Variants in NAA60 observed in about 807,000 individuals in gnomAD.
NAA60 encodes N-alpha-acetyltransferase 60, NatF catalytic subunit, also known as N-alpha-acetyltransferase 60.
A neutral mutation model predicts 26.1 loss-of-function variants in NAA60; 8 were observed. That is an observed-to-expected ratio of 0.31 (90% CI 0.18 to 0.55). The LOEUF is 0.55. NAA60 is among the 20% of genes least tolerant of loss of function. NAA60 has a pLI of 0.93. For missense variants in NAA60, 290 were observed against 311.3 expected (o/e 0.93, Z 0.51); for synonymous variants, 131 against 122.5 (o/e 1.07, Z -0.46).
rs373724700 is a variant in NAA60, at chr16:3,467,125, GT to G, written c.-6-9095del. On this transcript the variant is annotated intron_variant, in intron 2 of 7. Transcript: ENST00000407558. ...AAGAGCCTGAGGAGCTGGACCAGGG[GT>G]TGGGGGGCGGCCTTTAGAAGCAGCG... Among the ~76,000 whole-genome samples, 537 of 152,290 alleles carry G rather than the reference GT, an allele frequency of 3.5e-3. 4 individuals are homozygous for G. The highest frequency in any genetic ancestry group is 0.012 in the African/African-American group (486 of 41,542).
Position 3,443,704 on chromosome 16 carries a change from C to G in NAA60, c.-210C>G, listed in dbSNP as rs1319842324. ...TCCGCTTCCGCTGGCGGGGTCTCCT[C>G]CGTGAGCTCCGGGCCTGTTTGCCTG... On this transcript the variant is annotated 5_prime_UTR_variant, in exon 1 of 8. Transcript: ENST00000407558. 68 of 1,435,494 alleles carry G rather than the reference C, an allele frequency of 4.7e-5. No individual in the cohort carries two copies. Among genetic ancestry groups the G allele is most frequent in the Non-Finnish European group, 6.1e-5 (67 of 1,096,668 alleles). The allele number at this position is 1,435,494 out of a possible 1,614,324, so 88.9% of individuals were successfully genotyped here. A position where few individuals can be genotyped will look rare whatever the true frequency, so the allele number is the denominator to read the frequency against.
chr16:3,465,873 G>A (rs80246648), intron 2 of NAA60, among the ~76,000 whole-genome samples: 280 of 152,270 alleles, frequency 1.8e-3, no homozygotes, highest in African/African-American at 6.3e-3. Flanking sequence ...CCAGGGTAGG[G>A]CCTGAATTTT....
rs927703173 is a variant in NAA60 at position 3,485,883 on chromosome 16, C to G, written c.*623C>G. 20 of 354,936 alleles carry G rather than the reference C, an allele frequency of 5.6e-5. No homozygotes were observed. Among genetic ancestry groups the G allele is most frequent in the Non-Finnish European group, 2.8e-5 (5 of 179,190 alleles). 22.0% of individuals were successfully genotyped at this position (354,936 alleles called of 1,614,324 possible). A position where few individuals can be genotyped will look rare whatever the true frequency, so the allele number is the denominator to read the frequency against. The stretch of plus-strand genomic sequence containing the variant: ...AAGCACAGAGCTCTGAGGCTCAGCC[C>G]CCTGGCACAGGCGGTCACGCATCAG... On this transcript the variant is annotated 3_prime_UTR_variant, in exon 8 of 8. Coordinates refer to ENST00000407558, the MANE Select transcript of NAA60 (RefSeq NM_001083601.3).
chr16:3,460,939 G>GTATA (rs1381944428), intron 2 of NAA60, among the ~76,000 whole-genome samples: 1 of 152,150 alleles, frequency 6.6e-6, no homozygotes, highest in Non-Finnish European at 1.5e-5. Flanking sequence ...ATGTATGTAT[G>GTATA]TATATATGTT....
At chr16:3,469,672 C>T (rs900276226) in intron 2 of NAA60, among the ~76,000 whole-genome samples, 1 of 151,582 alleles carries the variant, frequency 6.6e-6, no homozygotes, top group East Asian at 1.9e-4. Flanking sequence ...ACCTGCCTGG[C>T]GGGGCCTGTC....
At chr16:3,476,461 G>C in intron 3 of NAA60, 124 bp downstream of exon 3, 1 of 731,592 alleles carries the variant, frequency 1.4e-6, no homozygotes, top group Non-Finnish European at 2.2e-6. Flanking sequence ...TGGCCTGGAG[G>C]GGCCACAGGG....
intron 4 of NAA60, among the ~76,000 whole-genome samples, chr16:3,480,289 GTTA>G (rs2036743930): frequency 6.6e-6 from 1 of 152,132 alleles, no homozygotes; most frequent in South Asian, 2.1e-4. Context: ...TTGGCTTGAG[GTTA>G]TTTCTTTAAA....
chr16:3,484,479 C>A (rs1007794436), intron 6 of NAA60: 3 of 607,366 alleles, frequency 4.9e-6, no homozygotes, highest in African/African-American at 3.7e-5. Flanking sequence ...ACTCAGAAGG[C>A]CCTTCTGTCC....
chr16:3,460,330 C>T (rs867790957), intron 2 of NAA60, among the ~76,000 whole-genome samples: 1 of 152,144 alleles, frequency 6.6e-6, no homozygotes, highest in African/African-American at 2.4e-5. Context: ...TCCACGAAGC[C>T]CTCATGACTG....
At chr16:3,446,429 G>A (rs1382425261) in intron 1 of NAA60, among the ~76,000 whole-genome samples, 5 of 151,156 alleles carry the variant, frequency 3.3e-5, no homozygotes. Flanking sequence ...TACTCGGGAG[G>A]CTGAGGCAGG....
At chr16:3,478,600 C>T (rs527432052) in intron 3 of NAA60, among the ~76,000 whole-genome samples, 1 of 152,330 alleles carries the variant, frequency 6.6e-6, no homozygotes, top group Non-Finnish European at 1.5e-5. Context: ...TTTATGCCCA[C>T]TGTTTTTTTT....
chr16:3,473,009 A>G (rs1333343925), intron 2 of NAA60, among the ~76,000 whole-genome samples: 1 of 111,866 alleles, frequency 8.9e-6, no homozygotes, highest in African/African-American at 4.8e-5. Flanking sequence ...GTTCTTTGTC[A>G]TCTGTTTTGT....
chr16:3,456,215 T>C (rs1231739673), intron 2 of NAA60, among the ~76,000 whole-genome samples: 1 of 152,214 alleles, frequency 6.6e-6, no homozygotes, highest in African/African-American at 2.4e-5. Context: ...GGGGGTCTTG[T>C]TGAATGCAGA....
intron 2 of NAA60, among the ~76,000 whole-genome samples, chr16:3,459,292 A>G (rs2035218624): frequency 6.6e-6 from 1 of 152,232 alleles, no homozygotes; most frequent in African/African-American, 2.4e-5. Flanking sequence ...GCGGCAGTCC[A>G]TGTAGCACTG....
At chr16:3,465,057 GGA>G (rs2035652639) in intron 2 of NAA60, among the ~76,000 whole-genome samples, 1 of 152,002 alleles carries the variant, frequency 6.6e-6, no homozygotes, top group East Asian at 1.9e-4. Context: ...CATGAGGTCA[GGA>G]GATTGAGACC....
intron 2 of NAA60, among the ~76,000 whole-genome samples, chr16:3,459,993 G>C (rs1327796287): frequency 6.6e-6 from 1 of 152,226 alleles, no homozygotes; most frequent in East Asian, 1.9e-4. Flanking sequence ...AGGAGGGATT[G>C]TGCCCTGTTC....
chr16:3,449,772 G>A (rs369432055), intron 2 of NAA60, among the ~76,000 whole-genome samples: 5 of 152,022 alleles, frequency 3.3e-5, no homozygotes, highest in African/African-American at 9.7e-5. Flanking sequence ...TTGAATCGTG[G>A]GGCAGGTCTT....
Position 3,443,952 on chromosome 16 carries a change from G to C in NAA60, c.-77+115G>C, listed in dbSNP as rs556229310. 128 of 1,398,368 alleles carry C rather than the reference G, an allele frequency of 9.2e-5. No homozygotes were observed. In the African/African-American group the frequency reaches 1.3e-3, roughly 14 times the overall value. 86.6% of individuals were successfully genotyped at this position (1,398,368 alleles called of 1,614,324 possible). On this transcript the variant is annotated intron_variant, in intron 1 of 7. Transcript: ENST00000407558. ...GGGCTTGAGCTGTCCTTTGTGTCTT[G>C]AGCGGATGGTGGGGCCGTGGAACAT...
At chr16:3,449,769 G>A (rs962547499) in intron 2 of NAA60, among the ~76,000 whole-genome samples, 2 of 152,042 alleles carry the variant, frequency 1.3e-5, no homozygotes, top group Admixed American at 1.3e-4. Flanking sequence ...TAATTGAATC[G>A]TGGGGCAGGT....
Sources: allele counts gnomAD v4.1 joint callset (sites outside exome capture counted in the v4.1 genomes callset), GRCh38; gene constraint gnomAD v4.1.1; transcripts MANE v1.5; gene names NCBI Gene and HGNC (gene_info 2026-07-23, HGNC 2026-07-21).